ADGRL2: variants seen among roughly 807,000 people sequenced by gnomAD.
The protein encoded by ADGRL2 is adhesion G protein-coupled receptor L2.
ADGRL2 carries 44 observed loss-of-function variants against 157.4 expected under a neutral mutation model. The observed-to-expected ratio is 0.28, with a 90% CI of 0.22 to 0.36. The LOEUF is 0.36. Among genes scored for constraint, ADGRL2 ranks in the 10% least tolerant of loss-of-function variants. The pLI, the probability that ADGRL2 is intolerant of heterozygous loss-of-function variation, is 1.00. For synonymous variants in ADGRL2, 585 were observed against 624.7 expected, an observed-to-expected ratio of 0.94 and a Z score of 0.95; for missense variants, 1,510 against 1,768.9, an observed-to-expected ratio of 0.85 and a Z score of 2.63.
chr1:81,340,711 G>A (rs1225711565), intron 1 of ADGRL2, among the ~76,000 whole-genome samples: 1 of 152,050 alleles, frequency 6.6e-6, no homozygotes, highest in Admixed American at 6.6e-5. Flanking sequence ...ATAAGAAAGT[G>A]GTTTTCTCAG....
At chr1:81,454,035 C>G (rs1450604243) in intron 2 of ADGRL2, among the ~76,000 whole-genome samples, 1 of 152,030 alleles carries the variant, frequency 6.6e-6, no homozygotes, top group Non-Finnish European at 1.5e-5. Flanking sequence ...CTTAAGGTGC[C>G]GGCAAATAAT....
chr1:81,990,801 GA>G lies in ADGRL2; in HGVS notation c.4067del (p.Glu1356GlyfsTer10), dbSNP rs1558065196. On this transcript the variant is annotated frameshift_variant, in exon 24 of 24. Transcript: ENST00000686636. LOFTEE classifies it high-confidence loss of function. Reference sequence around the variant, plus strand: ...CCAACCCCAGAAGAAAGTGAAGTCCGAGGGAACTGACAGCTATGTCTCCCAA... The same window carrying G: ...CCAACCCCAGAAGAAAGTGAAGTCCGGGGAACTGACAGCTATGTCTCCCAA... ...LYQPQKKVKS[E>X]GTDSYVSQLT... 6.2e-7 allele frequency: 1 copy of G among 1,614,134 alleles called. No homozygotes were observed.
chr1:81,335,734 C>A (rs2100727155), intron 1 of ADGRL2, among the ~76,000 whole-genome samples: 1 of 152,028 alleles, frequency 6.6e-6, no homozygotes, highest in East Asian at 1.9e-4. Context: ...TCAGTTTTCA[C>A]TGATTTGGAG....
intron 3 of ADGRL2, among the ~76,000 whole-genome samples, chr1:81,909,898 G>A (rs908883527): frequency 2.6e-5 from 4 of 152,006 alleles, no homozygotes; most frequent in African/African-American, 9.7e-5. Context: ...ACTGTAGTTT[G>A]TATTAAGGTG....
At chr1:81,866,360 A>G (rs913643705) in intron 2 of ADGRL2, among the ~76,000 whole-genome samples, 2 of 152,020 alleles carry the variant, frequency 1.3e-5, no homozygotes, top group Non-Finnish European at 2.9e-5. Context: ...CTTTATTTTT[A>G]TGTCTCTCCC....
chr1:81,975,227 T>C (rs1327024), intron 17 of ADGRL2, among the ~76,000 whole-genome samples: 2 of 152,114 alleles, frequency 1.3e-5, no homozygotes, highest in Admixed American at 1.3e-4. Context: ...TAGCCTATAC[T>C]TACTAGTAGT....
At chr1:81,821,764 CAT>C (rs1352232039) in intron 1 of ADGRL2, among the ~76,000 whole-genome samples, 1 of 152,062 alleles carries the variant, frequency 6.6e-6, no homozygotes, top group African/African-American at 2.4e-5. Context: ...AGGAAAGAAA[CAT>C]ATACTATTTA....
intron 3 of ADGRL2, among the ~76,000 whole-genome samples, chr1:81,631,210 T>TTTTTC (rs1449684066): frequency 6.6e-6 from 1 of 151,882 alleles, no homozygotes; most frequent in East Asian, 1.9e-4. Context: ...CTTCTTTTCT[T>TTTTTC]TTTTCTTTTC....
chr1:81,645,902 T>C (rs962020591), intron 3 of ADGRL2, among the ~76,000 whole-genome samples: 8 of 152,166 alleles, frequency 5.3e-5, no homozygotes, highest in Non-Finnish European at 1.2e-4. Flanking sequence ...TTTAATATAC[T>C]GCCAAGTCAT....
intron 1 of ADGRL2, among the ~76,000 whole-genome samples, chr1:81,711,341 AGT>A (rs1184674073): frequency 6.6e-6 from 1 of 152,234 alleles, no homozygotes; most frequent in Non-Finnish European, 1.5e-5. Context: ...TGCTTTTTAA[AGT>A]AAAAATGGTA....
chr1:81,841,887 G>C (rs1428784358), intron 2 of ADGRL2, among the ~76,000 whole-genome samples: 1 of 152,176 alleles, frequency 6.6e-6, no homozygotes, highest in African/African-American at 2.4e-5. Context: ...GTTGTAATAA[G>C]AGTGTGATAA....
chr1:81,808,940 G>A (rs2089508166), intron 1 of ADGRL2, among the ~76,000 whole-genome samples: 1 of 152,066 alleles, frequency 6.6e-6, no homozygotes, highest in African/African-American at 2.4e-5. Flanking sequence ...AGGGAAAATA[G>A]TTGAAAGGGG....
chr1:81,448,139 T>A, intron 2 of ADGRL2, among the ~76,000 whole-genome samples: 1 of 55,996 alleles, frequency 1.8e-5, no homozygotes, highest in Admixed American at 1.9e-4. Context: ...CTTTCTTTCT[T>A]TTTTTTTTTT....
intron 3 of ADGRL2, among the ~76,000 whole-genome samples, chr1:81,669,224 G>T (rs2082815896): frequency 6.6e-6 from 1 of 152,052 alleles, no homozygotes; most frequent in Admixed American, 6.5e-5. Context: ...TATCTAGTAA[G>T]TTCCTGTAAA....
At chr1:81,610,083 C>A (rs1042806698) in intron 3 of ADGRL2, among the ~76,000 whole-genome samples, 1 of 152,136 alleles carries the variant, frequency 6.6e-6, no homozygotes, top group African/African-American at 2.4e-5. Flanking sequence ...GGAGTGAATT[C>A]CTGATTAGAA....
At chr1:81,984,287 T>TA (rs1185549806) in intron 19 of ADGRL2, 1 of 188,580 alleles carries the variant, frequency 5.3e-6, no homozygotes, top group African/African-American at 2.3e-5. Flanking sequence ...AAACTATAAA[T>TA]ATATTGCTAT....
At chr1:81,707,795 A>G (rs2083787344) in intron 1 of ADGRL2, among the ~76,000 whole-genome samples, 1 of 152,114 alleles carries the variant, frequency 6.6e-6, no homozygotes, top group South Asian at 2.1e-4. Flanking sequence ...TTAGCCACCC[A>G]CAGCTCCTCT....
rs540317688 is a variant in ADGRL2, at chr1:81,989,803, A to G, written c.3656-588A>G. 73 of 1,511,682 alleles carry G rather than the reference A, an allele frequency of 4.8e-5. No individual in the cohort carries two copies. In the South Asian group the frequency reaches 9.7e-4, roughly 20 times the overall value. The allele number at this position is 1,511,682 out of a possible 1,614,324, so 93.6% of individuals were successfully genotyped here. A position where few individuals can be genotyped will look rare whatever the true frequency, so the allele number is the denominator to read the frequency against. On this transcript the variant is annotated intron_variant, in intron 23 of 23. Transcript: ENST00000686636. ...TGAGAGATGGCTGTCTTTGTTTAACATGACTTCTTTGTATCTGTCCATGTT... is the reference window on the plus strand; with the variant it reads ...TGAGAGATGGCTGTCTTTGTTTAACGTGACTTCTTTGTATCTGTCCATGTT...
intron 3 of ADGRL2, among the ~76,000 whole-genome samples, chr1:81,908,578 G>C (rs2094636686): frequency 6.6e-6 from 1 of 152,168 alleles, no homozygotes; most frequent in African/African-American, 2.4e-5. Context: ...TCTTGTGTGA[G>C]TATAAGTTTT....
Sources: allele counts gnomAD v4.1 joint callset (sites outside exome capture counted in the v4.1 genomes callset), GRCh38; gene constraint gnomAD v4.1.1; transcripts MANE v1.5; gene names NCBI Gene and HGNC (gene_info 2026-07-23, HGNC 2026-07-21).